The following ESR1 variants were observed in gnomAD, a reference collection of about 807,000 sequenced individuals.
The protein encoded by ESR1 is estrogen receptor 1, also known as estrogen receptor.
A neutral mutation model predicts 52.7 loss-of-function variants in ESR1; 12 were observed. The observed-to-expected ratio is 0.23, with a 90% CI of 0.15 to 0.37. The LOEUF is 0.37. ESR1 is among the 10% of genes least tolerant of loss of function. The pLI, the probability that ESR1 is intolerant of heterozygous loss-of-function variation, is 1.00. For synonymous variants in ESR1, 305 were observed against 316.8 expected, an observed-to-expected ratio of 0.96 and a Z score of 0.39; for missense variants, 584 against 779.7, an observed-to-expected ratio of 0.75 and a Z score of 2.99.
At position 151,952,577 on chromosome 6, in the gene ESR1, G is replaced by A. The variant is rs574471243; in HGVS notation, c.1096+8069G>A. ...TGCTTAGCAAATACAATTTTGAATT[G>A]AGTTTGCTGTCACAGAACAAAAACT... On this transcript the variant is annotated intron_variant, in intron 4 of 7. Transcript: ENST00000206249. Among the ~76,000 whole-genome samples, 6 of 152,260 alleles carry A rather than the reference G, an allele frequency of 3.9e-5. No homozygotes were observed. The South Asian group carries it at 1.2e-3, about 32-fold the overall frequency.
rs1468197029 is a variant in ESR1, at chr6:151,766,513, AC to A, written c.-70-41329del. ...ACAAAAAAATAAAAAATAAAAAAAA[AC>A]AAATAAAAATCACACGCCTCTTTTT... On this transcript the variant is annotated intron_variant, in intron 2 of 2. Coordinates refer to the ESR1 transcript ENST00000404742. Among the ~76,000 whole-genome samples, 6 of 150,874 alleles carry A rather than the reference AC, an allele frequency of 4.0e-5. No individual in the cohort carries two copies. In the East Asian group the frequency reaches 1.0e-3, roughly 25 times the overall value.
intron 2 of ESR1, among the ~76,000 whole-genome samples, chr6:151,729,992 T>C (rs1664172221): frequency 6.6e-6 from 1 of 152,196 alleles, no homozygotes; most frequent in Non-Finnish European, 1.5e-5. Context: ...CACCTTAGTC[T>C]TGGTCTGCCT....
At chr6:151,754,242 G>A (rs929128731) in intron 2 of ESR1, among the ~76,000 whole-genome samples, 1 of 151,644 alleles carries the variant, frequency 6.6e-6, no homozygotes. Context: ...GTGAAAAATA[G>A]TTAAACCTCC....
intron 6 of ESR1, among the ~76,000 whole-genome samples, chr6:152,111,027 C>A (rs2051126110): frequency 6.6e-6 from 1 of 152,118 alleles, no homozygotes; most frequent in African/African-American, 2.4e-5. Context: ...CTATTTCTAG[C>A]CGATGACCTG....
At chr6:152,105,546 C>T (rs1026233648), downstream of ESR1, among the ~76,000 whole-genome samples, 1 of 151,682 alleles carries the variant, frequency 6.6e-6, no homozygotes, top group Non-Finnish European at 1.5e-5. Flanking sequence ...CTGCCTCAGC[C>T]TCCCGAGTAG....
At chr6:151,838,324 G>A (rs1397959251) in intron 1 of ESR1, among the ~76,000 whole-genome samples, 1 of 152,234 alleles carries the variant, frequency 6.6e-6, no homozygotes, top group Admixed American at 6.5e-5. Flanking sequence ...GTGGGCCAAG[G>A]CCAGGTAGAG....
chr6:151,777,344 C>T (rs546950874), intron 2 of ESR1, among the ~76,000 whole-genome samples: 67 of 151,898 alleles, frequency 4.4e-4, no homozygotes, highest in Non-Finnish European at 9.0e-4. Flanking sequence ...GTCTTGAATT[C>T]CTGACCTCAA....
intron 5 of ESR1, among the ~76,000 whole-genome samples, chr6:152,046,817 A>G (rs2046267530): frequency 6.6e-6 from 1 of 152,164 alleles, no homozygotes; most frequent in Non-Finnish European, 1.5e-5. Flanking sequence ...TGCAGCTCCA[A>G]ATTCAGCATG....
intron 1 of ESR1, chr6:151,810,967 A>G (rs2128165015): frequency 6.6e-6 from 1 of 152,298 alleles, no homozygotes; most frequent in South Asian, 2.1e-4. Context: ...TTAGTCATTT[A>G]GGCTAAGTTT....
intron 5 of ESR1, among the ~76,000 whole-genome samples, chr6:152,031,276 A>G (rs1201264791): frequency 1.3e-5 from 2 of 152,226 alleles, no homozygotes; most frequent in Non-Finnish European, 2.9e-5. Flanking sequence ...GAAGACAAGA[A>G]ATAACTAAGA....
chr6:151,721,203 CAA>C (rs1781432867), intron 2 of ESR1, among the ~76,000 whole-genome samples: 1 of 152,152 alleles, frequency 6.6e-6, no homozygotes, highest in Non-Finnish European at 1.5e-5. Context: ...AGGACTAATG[CAA>C]CATGTTGGAG....
chr6:152,115,894 G>A (rs1254244752), intron 6 of ESR1, among the ~76,000 whole-genome samples: 1 of 152,136 alleles, frequency 6.6e-6, no homozygotes, highest in Non-Finnish European at 1.5e-5. Context: ...TCTGCACCTG[G>A]GAATCGCCTG....
chr6:151,969,273 G>C (rs1244935333), intron 4 of ESR1, among the ~76,000 whole-genome samples: 1 of 152,076 alleles, frequency 6.6e-6, no homozygotes, highest in Non-Finnish European at 1.5e-5. Flanking sequence ...TATTTATGTA[G>C]ATTTATGAAC....
intron 2 of ESR1, among the ~76,000 whole-genome samples, chr6:151,702,911 G>A (rs80336630): frequency 0.041 from 6,302 of 152,240 alleles, 425 homozygotes; most frequent in African/African-American, 0.14. Context: ...GCAGGCATGT[G>A]ATATAAAAGA....
In ESR1 at chr6:151,850,641, C is replaced by G. The variant is rs190363489; in HGVS notation, c.643+7854C>G. On this transcript the variant is annotated intron_variant, in intron 2 of 7. Coordinates refer to ENST00000206249, the MANE Select transcript of ESR1 (RefSeq NM_000125.4). ...CAGCCTGATTTTCTCAGTGACTCCC[C>G]TGTGTTTCCCTCTGCCACCAGCCCC... is the stretch of plus-strand genomic sequence containing the variant. Among the ~76,000 whole-genome samples the G allele has an allele frequency of 1.9e-3, 296 of 152,184 alleles. 1 individual carries two copies. The highest frequency in any genetic ancestry group is 2.1e-3 in the Non-Finnish European group (143 of 67,992).
chr6:152,010,312 A>C (rs900379068), intron 4 of ESR1, among the ~76,000 whole-genome samples: 2 of 152,162 alleles, frequency 1.3e-5, no homozygotes, highest in East Asian at 3.9e-4. Flanking sequence ...TGTTAAAGGA[A>C]AACAAAATTC....
intron 1 of ESR1, among the ~76,000 whole-genome samples, chr6:151,673,049 A>G (rs1778129645): frequency 6.7e-6 from 1 of 148,536 alleles, no homozygotes; most frequent in Non-Finnish European, 1.5e-5. Context: ...AATGGTCTCA[A>G]TCTTCTGACC....
chr6:152,004,312 A>G (rs1335906650), intron 4 of ESR1, among the ~76,000 whole-genome samples: 1 of 152,030 alleles, frequency 6.6e-6, no homozygotes, highest in Non-Finnish European at 1.5e-5. Context: ...AAGGAGCATT[A>G]TAAGGAGTGT....
chr6:151,913,412 T>C (rs1045169969), intron 3 of ESR1, among the ~76,000 whole-genome samples: 3 of 152,218 alleles, frequency 2.0e-5, no homozygotes, highest in Non-Finnish European at 4.4e-5. Flanking sequence ...ACTATGTAAT[T>C]ATAATTAAGA....
Sources: gnomAD v4.1 joint callset for allele counts (sites outside exome capture counted in the v4.1 genomes callset) on GRCh38, gnomAD v4.1.1 for gene constraint, MANE v1.5 for transcripts, NCBI Gene and HGNC (gene_info 2026-07-23, HGNC 2026-07-21) for gene names.